The following CABP7 variants were observed in gnomAD, a reference collection of about 807,000 sequenced individuals.
The protein encoded by CABP7 is calcium-binding protein 7.
CABP7 carries 13 observed loss-of-function variants against 23.1 expected under a neutral mutation model. That is an observed-to-expected ratio of 0.56 (90% CI 0.37 to 0.90). The LOEUF is 0.90. Ranked by LOEUF, CABP7 falls within the 40% of genes least tolerant of loss-of-function variation. The pLI is 0.01. For synonymous variants in CABP7, 123 were observed against 115.3 expected (o/e 1.07, Z -0.43); for missense variants, 248 against 295.6 (o/e 0.84, Z 1.18).
chr22:29,724,733 G>T (rs1007965100), intron 1 of CABP7, among the ~76,000 whole-genome samples: 1 of 152,214 alleles, frequency 6.6e-6, no homozygotes. Flanking sequence ...TCATGCATGG[G>T]GAGGTGGCAG....
intron 2 of CABP7, 33 bp from the exon 3 acceptor site, chr22:29,728,597 C>A: frequency 7.2e-7 from 1 of 1,389,456 alleles, no homozygotes; most frequent in Non-Finnish European, 1.0e-6. Flanking sequence ...CTGGGCCCTA[C>A]CCACTGATTG....
chr22:29,723,288 G>A (rs890562911), intron 1 of CABP7, among the ~76,000 whole-genome samples: 1 of 152,124 alleles, frequency 6.6e-6, no homozygotes, highest in African/African-American at 2.4e-5. Context: ...GGGAGGCATG[G>A]AGGGCAGTTG....
At position 29,728,652 on chromosome 22, in the gene CABP7, G is replaced by A; in HGVS notation, c.276G>A (p.Glu92=). 1 of 1,613,272 alleles carries A rather than the reference G, an allele frequency of 6.2e-7. No homozygotes were observed. The highest frequency in any genetic ancestry group is 8.5e-7 in the Non-Finnish European group (1 of 1,179,498). ...CAGGTGATGGTCAAGTGGACTTTGA[G>A]GAGTTTGTGACCCTTCTGGGACCCA... is the stretch of plus-strand genomic sequence containing the variant. ...DMDGDGQVDF[E]EFVTLLGPKL... is the part of the protein sequence containing the mutation. Residue 92 remains glutamate, a synonymous_variant, in exon 3 of 5, where the codon GAG becomes GAA. Transcript: ENST00000216144.
intron 1 of CABP7, among the ~76,000 whole-genome samples, chr22:29,723,539 G>C (rs1277252102): frequency 6.6e-6 from 1 of 152,228 alleles, no homozygotes; most frequent in Non-Finnish European, 1.5e-5. Flanking sequence ...CTTTCTGGCC[G>C]AAGAGAGGAG....
At chr22:29,728,416 A>T (rs969091061) in intron 2 of CABP7, among the ~76,000 whole-genome samples, 1 of 152,144 alleles carries the variant, frequency 6.6e-6, no homozygotes, top group Non-Finnish European at 1.5e-5. Flanking sequence ...TCCCCTTGTA[A>T]GGCCTCATCA....
At position 29,727,607 on chromosome 22, in the gene CABP7, A is replaced by AG; in HGVS notation, c.110-50dup. 2.5e-6 allele frequency: 4 copies of AG among 1,607,384 alleles called. No homozygotes were observed. The highest frequency in any genetic ancestry group is 2.2e-5 in the South Asian group (2 of 90,722). Reference sequence around the variant, plus strand: ...GGTCGGTGATCCTGGGGGTCTGGAAAGGGGGTCTGTTGGGGACCGGGGTGA... The same window carrying AG: ...GGTCGGTGATCCTGGGGGTCTGGAAAGGGGGGTCTGTTGGGGACCGGGGTGA... On this transcript the variant is annotated intron_variant, in intron 1 of 4. Transcript: ENST00000216144. This position sits in a 1 kb window ranked among gnomAD's most constrained non-coding sequence, Gnocchi z 4.2.
intron 4 of CABP7, 67 bp from the exon 5 acceptor site, chr22:29,729,375 C>T (rs1268367496): frequency 3.7e-5 from 59 of 1,588,184 alleles, no homozygotes; most frequent in African/African-American, 8.0e-5. Context: ...GAAGGGCAGG[C>T]GGCTCCTGAC....
chr22:29,727,368 C>T lies in CABP7; in HGVS notation c.110-294C>T, dbSNP rs542796273. Among the ~76,000 whole-genome samples, 6 of 152,308 alleles carry T rather than the reference C, an allele frequency of 3.9e-5. No homozygotes were observed. The highest frequency in any genetic ancestry group is 2.1e-4 in the South Asian group (1 of 4,832). The stretch of plus-strand genomic sequence containing the variant: ...TCCCCTGCACGTGGTCCCCACCACA[C>T]GGGGTCGTTGTGAGCACACCAGGAG... On this transcript the variant is annotated intron_variant, in intron 1 of 4. Coordinates refer to ENST00000216144, the MANE Select transcript of CABP7 (RefSeq NM_182527.3). The surrounding 1 kb of genome is among the most constrained non-coding windows in gnomAD (Gnocchi z 4.2).
Position 29,731,419 on chromosome 22 carries a change from A to G in CABP7, c.*1850A>G. 1.3e-6 allele frequency: 2 copies of G among 1,508,684 alleles called. No homozygotes were observed. Among genetic ancestry groups the G allele is most frequent in the Non-Finnish European group, 1.7e-6 (2 of 1,144,348 alleles). 93.5% of individuals were successfully genotyped at this position (1,508,684 alleles called of 1,614,324 possible). A position where few individuals can be genotyped will look rare whatever the true frequency, so the allele number is the denominator to read the frequency against. ...TACAGCCCAGGCTTATGCCACCCCC[A>G]GCCCACCTGCCTCACCACCCTGGCT... On this transcript the variant is annotated 3_prime_UTR_variant, in exon 5 of 5. Transcript: ENST00000216144.
At chr22:29,722,684 C>T (rs896689831) in intron 1 of CABP7, among the ~76,000 whole-genome samples, 3 of 152,272 alleles carry the variant, frequency 2.0e-5, no homozygotes, top group Non-Finnish European at 4.4e-5. Flanking sequence ...ATTCCTGGCA[C>T]GGATCCCCCT....
At position 29,725,119 on chromosome 22, in the gene CABP7, G is replaced by C. The variant is rs539536174; in HGVS notation, c.110-2543G>C. On this transcript the variant is annotated intron_variant, in intron 1 of 4. Coordinates refer to ENST00000216144, the MANE Select transcript of CABP7 (RefSeq NM_182527.3). ...AAAGGGAGGAGGAGGAGCGGTGCCT[G>C]ACCCTGGTCCTCCTTCCCCACACCA... is the stretch of plus-strand genomic sequence containing the variant. Among the ~76,000 whole-genome samples, 5 of 152,236 alleles carry C rather than the reference G, an allele frequency of 3.3e-5. No homozygotes were observed. The East Asian group carries it at 9.7e-4, about 30-fold the overall frequency.
In CABP7 at chr22:29,720,732, G is replaced by A. The variant is rs977077065; in HGVS notation, c.109+199G>A. 3.3e-5 allele frequency among the ~76,000 whole-genome samples: 5 copies of A among 151,494 alleles called. No homozygotes were observed. Among genetic ancestry groups the A allele is most frequent in the African/African-American group, 1.2e-4 (5 of 41,344 alleles). On this transcript the variant is annotated intron_variant, in intron 1 of 4. Coordinates refer to ENST00000216144, the MANE Select transcript of CABP7 (RefSeq NM_182527.3). This position sits in a 1 kb window ranked among gnomAD's most constrained non-coding sequence, Gnocchi z 5.2. The stretch of plus-strand genomic sequence containing the variant: ...GCGCCGCGGTGGGGGTCGCTCAGGC[G>A]GAGAGCGGCCCAGCCCCTGCCCGCG...
chr22:29,722,859 T>A (rs1430554546), intron 1 of CABP7, among the ~76,000 whole-genome samples: 1 of 152,218 alleles, frequency 6.6e-6, no homozygotes, highest in Admixed American at 6.5e-5. Flanking sequence ...AGTACGTGCC[T>A]GCCGCAGAAA....
Position 29,720,676 on chromosome 22 carries a change from GCCCC to G in CABP7, c.109+144_109+147del. On this transcript the variant is annotated intron_variant, in intron 1 of 4. Transcript: ENST00000216144. The surrounding 1 kb of genome is among the most constrained non-coding windows in gnomAD (Gnocchi z 5.2). ...GGTGGGCGCCCCAGCTAGCAGCTGT[GCCCC>G]GCGGCAAGACCTGTCCGCACCCCGG... 4.3e-6 allele frequency: 2 copies of G among 468,520 alleles called. No homozygotes were observed. Among genetic ancestry groups the G allele is most frequent in the Non-Finnish European group, 3.7e-6 (1 of 271,482 alleles). The allele number at this position is 468,520 out of a possible 1,614,324, so 29.0% of individuals were successfully genotyped here.
In CABP7 at chr22:29,731,527, C is replaced by G; in HGVS notation, c.*1958C>G. 1.3e-6 allele frequency: 1 copy of G among 752,616 alleles called. No individual in the cohort carries two copies. The highest frequency in any genetic ancestry group is 2.0e-6 in the Non-Finnish European group (1 of 504,190). 46.6% of individuals were successfully genotyped at this position (752,616 alleles called of 1,614,324 possible). ...CAGACCGTTTGAGCCAGCGACCTCA[C>G]CTCTAGGAACTGAGCCCAAGGAAAT... On this transcript the variant is annotated 3_prime_UTR_variant, in exon 5 of 5. Coordinates refer to ENST00000216144, the MANE Select transcript of CABP7 (RefSeq NM_182527.3).
In CABP7 at chr22:29,731,556, G is replaced by A. The variant is rs376294041; in HGVS notation, c.*1987G>A. On this transcript the variant is annotated 3_prime_UTR_variant, in exon 5 of 5. Coordinates refer to ENST00000216144, the MANE Select transcript of CABP7 (RefSeq NM_182527.3). ...TAGGAACTGAGCCCAAGGAAATAGC[G>A]GGGTTGCAGGCAGACATTGAGCTGC... 4.5e-5 allele frequency: 26 copies of A among 578,478 alleles called. No individual in the cohort carries two copies. Among genetic ancestry groups the A allele is most frequent in the African/African-American group, 2.2e-4 (11 of 50,010 alleles). 35.8% of individuals were successfully genotyped at this position (578,478 alleles called of 1,614,324 possible).
At position 29,731,447 on chromosome 22, in the gene CABP7, G is replaced by C. The variant is rs2067843460; in HGVS notation, c.*1878G>C. On this transcript the variant is annotated 3_prime_UTR_variant, in exon 5 of 5. Transcript: ENST00000216144. ...CCACCTGCCTCACCACCCTGGCTGT[G>C]GGGAGGGTCAGCTGCCTGCATGACT... 1 of 1,477,896 alleles carries C rather than the reference G, an allele frequency of 6.8e-7. No individual in the cohort carries two copies. The highest frequency in any genetic ancestry group is 8.9e-7 in the Non-Finnish European group (1 of 1,127,588). 91.5% of individuals were successfully genotyped at this position (1,477,896 alleles called of 1,614,324 possible).
intron 1 of CABP7, among the ~76,000 whole-genome samples, chr22:29,725,880 G>A (rs567253160): frequency 6.6e-6 from 1 of 152,278 alleles, no homozygotes; most frequent in East Asian, 1.9e-4. Context: ...AAACCTAAGC[G>A]TGTGTGTGCA....
At position 29,729,489 on chromosome 22, in the gene CABP7, A is replaced by G; in HGVS notation, c.568A>G (p.Ile190Val). The G allele has an allele frequency of 6.2e-7, 1 of 1,612,362 alleles. No homozygotes were observed. Among genetic ancestry groups the G allele is most frequent in the Non-Finnish European group, 8.5e-7 (1 of 1,179,988 alleles). The change falls in exon 5 of 5, where the codon ATC becomes GTC. Residue 190 changes from isoleucine to valine, a missense_variant. Transcript: ENST00000216144. ...CCAGACTTGCGTGCGCAAGAGTCTC[A>G]TCTGCGCCTTCGCCATCGCCTTCAT... ...IRQTCVRKSL[I>V]CAFAIAFIIS...
Sources: gnomAD v4.1 joint callset for allele counts (sites outside exome capture counted in the v4.1 genomes callset) on GRCh38, gnomAD v4.1.1 for gene constraint, Gnocchi (gnomAD v3.1) non-coding constraint, MANE v1.5 for transcripts, NCBI Gene and HGNC (gene_info 2026-07-23, HGNC 2026-07-21) for gene names.